Variants in PRDM16 observed in about 807,000 individuals in gnomAD.
PRDM16 encodes the protein histone-lysine N-methyltransferase PRDM16.
A neutral mutation model predicts 110.6 loss-of-function variants in PRDM16; 23 were observed. The ratio of observed to expected loss-of-function variants is 0.21; its 90% CI spans 0.15 to 0.29. The LOEUF is 0.29. Ranked by LOEUF, PRDM16 falls within the 10% of genes least tolerant of loss-of-function variation. The pLI, the probability that PRDM16 is intolerant of heterozygous loss-of-function variation, is 1.00. For synonymous variants in PRDM16, 799 were observed against 781.8 expected (o/e 1.02, Z -0.37); for missense variants, 1,615 against 1,794.3 (o/e 0.90, Z 1.81).
Position 3,135,367 on chromosome 1 carries a change from C to T in PRDM16, c.38-50758C>T, listed in dbSNP as rs113554497. 1.7e-3 allele frequency among the ~76,000 whole-genome samples: 263 copies of T among 152,322 alleles called. 2 individuals are homozygous for T. Among genetic ancestry groups the T allele is most frequent in the African/African-American group, 6.0e-3 (251 of 41,586 alleles). ...CTTCCTGCCTTGCAGACACCGACCA[C>T]GGGCCCGACATTTTCTCAAGAAAAG... On this transcript the variant is annotated intron_variant, in intron 1 of 16. Transcript: ENST00000270722.
intron 1 of PRDM16, among the ~76,000 whole-genome samples, chr1:3,096,786 C>T (rs780455133): frequency 7.9e-5 from 12 of 152,206 alleles, no homozygotes; most frequent in Admixed American, 2.6e-4. Context: ...CTGTGGCCCT[C>T]ATCTTCCTCA....
chr1:3,257,395 CCT>C (rs1240136663), intron 3 of PRDM16, among the ~76,000 whole-genome samples: 1 of 152,138 alleles, frequency 6.6e-6, no homozygotes, highest in Non-Finnish European at 1.5e-5. Flanking sequence ...TGGTGTGGTC[CCT>C]CCAGAGTTCT....
At chr1:3,170,781 C>T (rs901144355) in intron 1 of PRDM16, among the ~76,000 whole-genome samples, 1 of 152,048 alleles carries the variant, frequency 6.6e-6, no homozygotes, top group Non-Finnish European at 1.5e-5. Context: ...TGGAGGCACA[C>T]GGACATGGAC....
intron 1 of PRDM16, among the ~76,000 whole-genome samples, chr1:3,114,567 C>A (rs1386341886): frequency 7.3e-5 from 11 of 151,226 alleles, no homozygotes; most frequent in African/African-American, 2.7e-4. Context: ...CACAAACAAG[C>A]ACACACTTGC....
chr1:3,309,880 G>C (rs1321295200), intron 3 of PRDM16: 2 of 152,218 alleles, frequency 1.3e-5, no homozygotes, highest in Non-Finnish European at 2.9e-5. Flanking sequence ...GGGAGTCCTT[G>C]AGGGAATCAA....
intron 1 of PRDM16, among the ~76,000 whole-genome samples, chr1:3,103,707 G>A (rs539021990): frequency 6.6e-6 from 1 of 152,120 alleles, no homozygotes; most frequent in Non-Finnish European, 1.5e-5. Context: ...CTGAGAAGCC[G>A]CATGAGCTTA....
At chr1:3,322,986 C>T (rs997435495) in intron 3 of PRDM16, among the ~76,000 whole-genome samples, 5 of 152,204 alleles carry the variant, frequency 3.3e-5, no homozygotes, top group South Asian at 2.1e-4. Flanking sequence ...CCCAGCAGGT[C>T]GATGTGGGTC....
chr1:3,267,614 G>A (rs973809199), intron 3 of PRDM16, among the ~76,000 whole-genome samples: 1 of 152,214 alleles, frequency 6.6e-6, no homozygotes, highest in Non-Finnish European at 1.5e-5. Flanking sequence ...ATCCCGGGGT[G>A]CCTGTGTTCG....
chr1:3,214,877 G>A (rs1450942780), intron 2 of PRDM16, among the ~76,000 whole-genome samples: 1 of 152,186 alleles, frequency 6.6e-6, no homozygotes, highest in Non-Finnish European at 1.5e-5. Context: ...TGCTTCTGTG[G>A]TGAATACAGA....
At chr1:3,088,612 C>G (rs557789827) in intron 1 of PRDM16, among the ~76,000 whole-genome samples, 113 of 151,314 alleles carry the variant, frequency 7.5e-4, no homozygotes, top group African/African-American at 2.6e-3. Flanking sequence ...ACTACAAGCA[C>G]CTGCCACCAC....
chr1:3,131,866 T>G (rs11801343), intron 1 of PRDM16, among the ~76,000 whole-genome samples: 2,056 of 152,308 alleles, frequency 0.013, 51 homozygotes, highest in African/African-American at 0.046. Flanking sequence ...CTCCACTGCC[T>G]TCCTCCTCCT....
chr1:3,329,208 C>T (rs1277421949), intron 3 of PRDM16, among the ~76,000 whole-genome samples: 1 of 152,218 alleles, frequency 6.6e-6, no homozygotes, highest in Non-Finnish European at 1.5e-5. Flanking sequence ...TTGGGCCAGG[C>T]ACAGCTGCCC....
chr1:3,376,018 G>A (rs1642983910), intron 3 of PRDM16, among the ~76,000 whole-genome samples: 1 of 152,158 alleles, frequency 6.6e-6, no homozygotes, highest in Admixed American at 6.5e-5. Context: ...GAGCTCCACG[G>A]CATCTGGGGT....
rs751701848 is a variant in PRDM16 at position 3,433,859 on chromosome 1, C to T, written c.*48C>T. The T allele has an allele frequency of 1.3e-5, 21 of 1,604,588 alleles. No homozygotes were observed. The highest frequency in any genetic ancestry group is 2.2e-5 in the South Asian group (2 of 90,640). On this transcript the variant is annotated 3_prime_UTR_variant, in exon 17 of 17. Coordinates refer to ENST00000270722, the MANE Select transcript of PRDM16 (RefSeq NM_022114.4). ...GTGGCCAGAGCGAGGGCACCAGCCA[C>T]GAAGGACGGAGGCGGGCGGGGCCCC...
intron 3 of PRDM16, among the ~76,000 whole-genome samples, chr1:3,276,982 A>G (rs1640600776): frequency 6.6e-6 from 1 of 151,728 alleles, no homozygotes; most frequent in Non-Finnish European, 1.5e-5. Context: ...GGTGTTTGCC[A>G]TCACCAATCC....
chr1:3,108,501 T>A (rs953968303), intron 1 of PRDM16, among the ~76,000 whole-genome samples: 1 of 152,224 alleles, frequency 6.6e-6, no homozygotes, highest in Non-Finnish European at 1.5e-5. Flanking sequence ...TCTCAGTTTC[T>A]CATCTCTTTC....
chr1:3,111,992 C>G (rs951838385), intron 1 of PRDM16, among the ~76,000 whole-genome samples: 1 of 152,142 alleles, frequency 6.6e-6, no homozygotes, highest in Admixed American at 6.5e-5. Flanking sequence ...GAGGGAGGAC[C>G]GGCCTTGATA....
At chr1:3,374,130 C>T (rs72849642) in intron 3 of PRDM16, among the ~76,000 whole-genome samples, 6,971 of 152,242 alleles carry the variant, frequency 0.046, 496 homozygotes, top group African/African-American at 0.16. Context: ...GGCTGGATCC[C>T]GGGGTCCCAG....
At chr1:3,196,371 G>C (rs1182969211) in intron 2 of PRDM16, among the ~76,000 whole-genome samples, 1 of 152,248 alleles carries the variant, frequency 6.6e-6, no homozygotes, top group Non-Finnish European at 1.5e-5. Flanking sequence ...TCTGGGCTTG[G>C]GGGAATTCTG....
Sources: allele counts gnomAD v4.1 joint callset (sites outside exome capture counted in the v4.1 genomes callset), GRCh38; gene constraint gnomAD v4.1.1; transcripts MANE v1.5; gene names NCBI Gene and HGNC (gene_info 2026-07-23, HGNC 2026-07-21).